The following TRMT11 variants were observed in gnomAD, a reference collection of about 807,000 sequenced individuals.
The protein encoded by TRMT11 is tRNA methyltransferase 11.
In TRMT11, 53 loss-of-function variants were observed where a neutral mutation model predicts 62.8. That is an observed-to-expected ratio of 0.84 (90% CI 0.68 to 1.06). The LOEUF (loss-of-function observed/expected upper bound fraction) is 1.06, where lower values mean the gene tolerates loss of function less well. TRMT11 is among the 50% of genes least tolerant of loss of function. The probability of loss-of-function intolerance (pLI) is 0.00; values close to 1 mark genes in which losing one functional copy is unlikely to be tolerated. For missense variants in TRMT11, 556 were observed against 553.4 expected, an observed-to-expected ratio of 1.00 and a Z score of -0.05; for synonymous variants, 188 against 190.3, an observed-to-expected ratio of 0.99 and a Z score of 0.10.
rs1248641425 is a variant in TRMT11 at position 126,011,296 on chromosome 6, A to G, written c.804A>G (p.Glu268=). ...ACCAGAAGTGGAGAGGACCAGATGA[A>G]AACATTAGGGCCAATCTTCGTCAAT... ...RKNQKWRGPD[E]NIRANLRQYG... is the part of the protein sequence containing the mutation. Residue 268 remains glutamate (E), a synonymous_variant, in exon 9 of 13, where the codon GAA becomes GAG. Transcript: ENST00000334379. The G allele has an allele frequency of 3.7e-6, 6 of 1,613,244 alleles. No homozygotes were observed. The African/African-American group carries it at 8.0e-5, about 22-fold the overall frequency.
At chr6:126,028,732 GT>G (rs537224652) in intron 12 of TRMT11, among the ~76,000 whole-genome samples, 75 of 152,176 alleles carry the variant, frequency 4.9e-4, no homozygotes, top group African/African-American at 1.7e-3. Flanking sequence ...TTAAACTATT[GT>G]TTTTGATAAA....
At chr6:125,997,446 T>C (rs1252701236) in intron 3 of TRMT11, among the ~76,000 whole-genome samples, 1 of 152,272 alleles carries the variant, frequency 6.6e-6, no homozygotes, top group Non-Finnish European at 1.5e-5. Flanking sequence ...CCTAGGAATA[T>C]GCCTTATTAG....
At chr6:126,053,921 G>A (rs908284902) in intron 17 of TRMT11, among the ~76,000 whole-genome samples, 2 of 152,158 alleles carry the variant, frequency 1.3e-5, no homozygotes, top group Non-Finnish European at 2.9e-5. Context: ...CGGGAAGGGG[G>A]ATTCCAGGCA....
chr6:126,028,332 G>C (rs1306484826), intron 12 of TRMT11, among the ~76,000 whole-genome samples: 2 of 152,088 alleles, frequency 1.3e-5, no homozygotes. Flanking sequence ...AGACGTATTG[G>C]ACATAAACTC....
chr6:126,140,635 G>A (rs1172642663), intron 21 of TRMT11, among the ~76,000 whole-genome samples: 2 of 151,966 alleles, frequency 1.3e-5, no homozygotes, highest in African/African-American at 2.4e-5. Flanking sequence ...GTTCATATAG[G>A]TATGCTAAAA....
intron 1 of TRMT11, among the ~76,000 whole-genome samples, chr6:125,987,353 A>G (rs114974672): frequency 2.0e-4 from 30 of 152,140 alleles, no homozygotes; most frequent in Non-Finnish European, 3.8e-4. Flanking sequence ...GGCCAAGGAG[A>G]TAAATCAGTA....
At chr6:126,205,056 A>G (rs1045057477), downstream of TRMT11, among the ~76,000 whole-genome samples, 1 of 152,214 alleles carries the variant, frequency 6.6e-6, no homozygotes, top group African/African-American at 2.4e-5. Flanking sequence ...AGAAATTATT[A>G]TAATCAGCAA....
intron 17 of TRMT11, among the ~76,000 whole-genome samples, chr6:126,112,808 G>A (rs748797664): frequency 6.6e-6 from 1 of 151,674 alleles, no homozygotes; most frequent in Non-Finnish European, 1.5e-5. Flanking sequence ...GTCATTGACT[G>A]TTACTGAGAT....
At chr6:126,257,976 T>A in the TRMT11 span, 1 of 1,561,212 alleles carries the variant, frequency 6.4e-7, no homozygotes, top group Non-Finnish European at 8.8e-7. Flanking sequence ...GTCCAGCAGG[T>A]CAGGGATGAA....
chr6:126,242,782 T>G, the TRMT11 span, among the ~76,000 whole-genome samples: 1 of 152,128 alleles, frequency 6.6e-6, no homozygotes, highest in African/African-American at 2.4e-5. Context: ...CAAAAATTAA[T>G]TCAAGATGGA....
intron 16 of TRMT11, among the ~76,000 whole-genome samples, chr6:126,045,355 A>T (rs1422196275): frequency 6.6e-6 from 1 of 152,136 alleles, no homozygotes; most frequent in East Asian, 1.9e-4. Flanking sequence ...ATGGTTTTTG[A>T]TCATGAGGAT....
the TRMT11 span, among the ~76,000 whole-genome samples, chr6:126,223,459 A>G: frequency 6.7e-6 from 1 of 148,390 alleles, no homozygotes; most frequent in African/African-American, 2.4e-5. Context: ...AAAACAAAAC[A>G]AAACAAAAAG....
intron 11 of TRMT11, among the ~76,000 whole-genome samples, chr6:126,020,957 A>T (rs1279779362): frequency 1.3e-5 from 2 of 152,234 alleles, no homozygotes; most frequent in Admixed American, 1.3e-4. Context: ...TTCTACAGGT[A>T]AAAAATTTAA....
intron 2 of TRMT11, among the ~76,000 whole-genome samples, 177 bp from the exon 3 acceptor site, chr6:125,995,790 A>G (rs561943558): frequency 6.6e-6 from 1 of 152,310 alleles, no homozygotes; most frequent in South Asian, 2.1e-4. Flanking sequence ...TGTTTTTACT[A>G]TATTATTCTA....
intron 21 of TRMT11, among the ~76,000 whole-genome samples, chr6:126,131,536 T>C (rs1002381424): frequency 6.6e-6 from 1 of 151,874 alleles, no homozygotes; most frequent in Non-Finnish European, 1.5e-5. Context: ...AAAAGGAAAT[T>C]AGAGCACAGA....
the TRMT11 span, among the ~76,000 whole-genome samples, chr6:126,234,967 C>A: frequency 1.3e-5 from 2 of 152,090 alleles, no homozygotes; most frequent in African/African-American, 4.8e-5. Context: ...ATTTGTAATG[C>A]ATGAATTTGT....
At chr6:126,078,254 T>TA (rs577793774) in intron 17 of TRMT11, among the ~76,000 whole-genome samples, 131 of 152,298 alleles carry the variant, frequency 8.6e-4, no homozygotes, top group African/African-American at 3.1e-3. Context: ...GGCGAAAAGA[T>TA]AGCCCAGCAG....
chr6:126,008,806 A>G, intron 8 of TRMT11: 3 of 447,520 alleles, frequency 6.7e-6, no homozygotes, highest in East Asian at 5.6e-5. Flanking sequence ...TTATATGCAT[A>G]TTTTTGACTG....
Position 126,187,470 on chromosome 6 carries a change from T to C in TRMT11, n.143+10135T>C, listed in dbSNP as rs186045682. Among the ~76,000 whole-genome samples, 860 of 152,112 alleles carry C rather than the reference T, an allele frequency of 5.7e-3. 9 individuals carry two copies. The highest frequency in any genetic ancestry group is 0.019 in the African/African-American group (772 of 41,548). On this transcript the variant is annotated intron_variant and non_coding_transcript_variant, in intron 1 of 3. Transcript: ENST00000444229. ...TTGGAGAAACTTTAAAAGATCTAAA[T>C]TGATAGATAAATATCACGTCTGTAA...
Sources: gnomAD v4.1 joint callset for allele counts (sites outside exome capture counted in the v4.1 genomes callset) on GRCh38, gnomAD v4.1.1 for gene constraint, MANE v1.5 for transcripts, NCBI Gene and HGNC (gene_info 2026-07-23, HGNC 2026-07-21) for gene names.